RAB18: variants seen among roughly 807,000 people sequenced by gnomAD.
The protein encoded by RAB18 is RAB18, member RAS oncogene family.
RAB18 carries 10 observed loss-of-function variants against 28.5 expected under a neutral mutation model. The ratio of observed to expected loss-of-function variants is 0.35; its 90% CI spans 0.22 to 0.60. The LOEUF is 0.60. Ranked by LOEUF, RAB18 falls within the 20% of genes least tolerant of loss-of-function variation. The pLI is 0.78. For synonymous variants in RAB18, 93 were observed against 86.9 expected (o/e 1.07, Z -0.39); for missense variants, 188 against 244.2 (o/e 0.77, Z 1.53).
intron 2 of RAB18, among the ~76,000 whole-genome samples, chr10:27,522,720 T>A (rs1378773956): frequency 6.6e-6 from 1 of 152,146 alleles, no homozygotes; most frequent in Non-Finnish European, 1.5e-5. Flanking sequence ...TTCTTTGTGA[T>A]CTATTTCAGT....
chr10:27,537,884 G>A lies in RAB18; in HGVS notation c.454G>A (p.Ala152Thr), dbSNP rs886046967. Residue 152 changes from alanine (A) to threonine (T), a missense_variant, in exon 7 of 7, where the codon GCA (alanine) becomes ACA (threonine). Ala to Thr is a moderately conservative substitution (Grantham distance 58). Coordinates refer to ENST00000356940, the MANE Select transcript of RAB18 (RefSeq NM_021252.5). ...KHSMLFIEAS[A>T]KTCDGVQCAF... ...TTTTCCTTGAATTTCAGAGGCAAGT[G>A]CAAAAACCTGTGATGGTGTACAATG... is the stretch of plus-strand genomic sequence containing the variant. 5.6e-6 allele frequency: 9 copies of A among 1,613,888 alleles called. No homozygotes were observed. Among genetic ancestry groups the A allele is most frequent in the South Asian group, 1.1e-5 (1 of 91,092 alleles).
In RAB18 at chr10:27,539,825, C is replaced by T. The variant is rs1834985188; in HGVS notation, c.*1774C>T. On this transcript the variant is annotated 3_prime_UTR_variant, in exon 7 of 7. Transcript: ENST00000356940. Reference sequence around the variant, plus strand: ...TCTTGAATAAATATAGCCTGCTTTCCCTAGATGCATTTGTGTAGGAAGTAT... The same window carrying T: ...TCTTGAATAAATATAGCCTGCTTTCTCTAGATGCATTTGTGTAGGAAGTAT... 1 of 453,552 alleles carries T rather than the reference C, an allele frequency of 2.2e-6. No homozygotes were observed. Among genetic ancestry groups the T allele is most frequent in the Non-Finnish European group, 4.4e-6 (1 of 226,654 alleles). The allele number at this position is 453,552 out of a possible 1,614,324, so 28.1% of individuals were successfully genotyped here. A position where few individuals can be genotyped will look rare whatever the true frequency, so the allele number is the denominator to read the frequency against.
At chr10:27,508,477 G>A (rs1267967354) in intron 1 of RAB18, among the ~76,000 whole-genome samples, 2 of 152,168 alleles carry the variant, frequency 1.3e-5, no homozygotes, top group East Asian at 1.9e-4. Flanking sequence ...TGGTGACCAC[G>A]TGTAGATATT....
intron 2 of RAB18, among the ~76,000 whole-genome samples, chr10:27,526,558 C>T (rs1168115400): frequency 2.0e-5 from 3 of 152,158 alleles, no homozygotes; most frequent in Non-Finnish European, 4.4e-5. Flanking sequence ...GAGTTATCAC[C>T]TTAAATTGAA....
chr10:27,507,329 C>T (rs1837866795), intron 1 of RAB18, among the ~76,000 whole-genome samples: 1 of 152,134 alleles, frequency 6.6e-6, no homozygotes, highest in African/African-American at 2.4e-5. Flanking sequence ...CTGGGGCTGC[C>T]ACTTGTGTGA....
At chr10:27,505,645 C>T (rs553298773) in intron 1 of RAB18, among the ~76,000 whole-genome samples, 28 of 152,212 alleles carry the variant, frequency 1.8e-4, no homozygotes, top group Admixed American at 4.6e-4. Context: ...CTGCAACCTC[C>T]GCCTCCCGGG....
At chr10:27,513,110 C>T (rs2138979152) in intron 2 of RAB18, among the ~76,000 whole-genome samples, 1 of 151,176 alleles carries the variant, frequency 6.6e-6, no homozygotes, top group Admixed American at 6.6e-5. Flanking sequence ...TCTCAGCTCA[C>T]TGCAATCTCC....
At chr10:27,522,972 A>AT (rs1431393761) in intron 2 of RAB18, among the ~76,000 whole-genome samples, 1 of 151,648 alleles carries the variant, frequency 6.6e-6, no homozygotes, top group African/African-American at 2.4e-5. Flanking sequence ...GGATTCATTG[A>AT]TTTTTGTTGT....
Position 27,516,575 on chromosome 10 carries a change from A to G in RAB18, c.124+6645A>G, listed in dbSNP as rs11015836. On this transcript the variant is annotated intron_variant, in intron 2 of 6. Coordinates refer to ENST00000356940, the MANE Select transcript of RAB18 (RefSeq NM_021252.5). ...TCCATCTCAAAAAGAAAAAAAAAAAAAGAGAGAAATCTTTGATTTCTATAC... is the reference window on the plus strand; with the variant it reads ...TCCATCTCAAAAAGAAAAAAAAAAAGAGAGAGAAATCTTTGATTTCTATAC... 5.2e-3 allele frequency among the ~76,000 whole-genome samples: 796 copies of G among 152,028 alleles called. 17 individuals are homozygous for G. The East Asian group carries it at 0.069, about 13-fold the overall frequency.
intron 6 of RAB18, among the ~76,000 whole-genome samples, chr10:27,536,032 A>C (rs1834890324): frequency 6.6e-6 from 1 of 150,796 alleles, no homozygotes; most frequent in African/African-American, 2.4e-5. Flanking sequence ...GCAGTGAGCG[A>C]GATCACGCCA....
rs544225499 is a variant in RAB18 at position 27,539,830 on chromosome 10, A to G, written c.*1779A>G. 1 of 453,864 alleles carries G rather than the reference A, an allele frequency of 2.2e-6. No individual in the cohort carries two copies. Among genetic ancestry groups the G allele is most frequent in the Non-Finnish European group, 4.4e-6 (1 of 226,676 alleles). The allele number at this position is 453,864 out of a possible 1,614,324, so 28.1% of individuals were successfully genotyped here. ...AATAAATATAGCCTGCTTTCCCTAG[A>G]TGCATTTGTGTAGGAAGTATATACA... On this transcript the variant is annotated 3_prime_UTR_variant, in exon 7 of 7. Coordinates refer to ENST00000356940, the MANE Select transcript of RAB18 (RefSeq NM_021252.5).
At chr10:27,510,193 T>C in intron 2 of RAB18, 1 of 502,716 alleles carries the variant, frequency 2.0e-6, no homozygotes, top group African/African-American at 1.9e-5. Flanking sequence ...CACACATTTC[T>C]CTCCTATACT....
In RAB18 at chr10:27,504,393, C is replaced by G. The variant is rs1200289742; in HGVS notation, c.24C>G (p.Thr8=). Residue 8 remains threonine (T), a synonymous_variant, in exon 1 of 7, where the codon ACC becomes ACG. Coordinates refer to ENST00000356940, the MANE Select transcript of RAB18 (RefSeq NM_021252.5). The part of the protein sequence containing the change: MDEDVLT[T]LKILIIGESG... ...GGATGGACGAGGACGTGCTAACCACCCTGAAGATCCTCATCATCGGCGAGA... is the reference window on the plus strand; with the variant it reads ...GGATGGACGAGGACGTGCTAACCACGCTGAAGATCCTCATCATCGGCGAGA... 2 of 1,575,938 alleles carry G rather than the reference C, an allele frequency of 1.3e-6. No individual in the cohort carries two copies. Among genetic ancestry groups the G allele is most frequent in the Non-Finnish European group, 1.7e-6 (2 of 1,160,966 alleles).
At position 27,538,172 on chromosome 10, in the gene RAB18, A is replaced by G. The variant is rs1408235302; in HGVS notation, c.*121A>G. On this transcript the variant is annotated 3_prime_UTR_variant, in exon 7 of 7. Coordinates refer to ENST00000356940, the MANE Select transcript of RAB18 (RefSeq NM_021252.5). ...GCACATAATTGTTTTATATCATAGC[A>G]GTAAATATTTGCAAGAAATCCCACT... 2.3e-6 allele frequency: 3 copies of G among 1,330,992 alleles called. No individual in the cohort carries two copies. Among genetic ancestry groups the G allele is most frequent in the Admixed American group, 1.9e-5 (1 of 54,028 alleles). 82.4% of individuals were successfully genotyped at this position (1,330,992 alleles called of 1,614,324 possible). A position where few individuals can be genotyped will look rare whatever the true frequency, so the allele number is the denominator to read the frequency against.
chr10:27,504,545 G>T (rs1050907319), intron 1 of RAB18, 108 bp downstream of exon 1: 1 of 1,311,482 alleles, frequency 7.6e-7, no homozygotes, highest in Non-Finnish European at 1.1e-6. Flanking sequence ...GGCGGGCTCG[G>T]GCCGGCTCCG....
chr10:27,540,137 A>G lies in RAB18; in HGVS notation c.*2086A>G. ...GTAGTACTGAGATTGACCCAAACAA[A>G]TAAAAAACTATTCAATTTCTGAGTA... On this transcript the variant is annotated 3_prime_UTR_variant, in exon 7 of 7. Transcript: ENST00000356940. 1 of 454,092 alleles carries G rather than the reference A, an allele frequency of 2.2e-6. No individual in the cohort carries two copies. Among genetic ancestry groups the G allele is most frequent in the South Asian group, 1.6e-5 (1 of 64,464 alleles). 28.1% of individuals were successfully genotyped at this position (454,092 alleles called of 1,614,324 possible).
In RAB18 at chr10:27,538,090, A is replaced by G. The variant is rs773185576; in HGVS notation, c.*39A>G. On this transcript the variant is annotated 3_prime_UTR_variant, in exon 7 of 7. Coordinates refer to ENST00000356940, the MANE Select transcript of RAB18 (RefSeq NM_021252.5). ...CCATCTCTTGCATATTTGATCAGAT[A>G]GTGACATCTTTCTGTATATAAACTC... The G allele has an allele frequency of 1.2e-6, 2 of 1,612,388 alleles. No individual in the cohort carries two copies. Among genetic ancestry groups the G allele is most frequent in the African/African-American group, 1.3e-5 (1 of 75,020 alleles).
At chr10:27,528,836 T>C (rs955999499) in intron 3 of RAB18, among the ~76,000 whole-genome samples, 1 of 152,058 alleles carries the variant, frequency 6.6e-6, no homozygotes, top group African/African-American at 2.4e-5. Flanking sequence ...CCACCAATTG[T>C]ATTCATATTC....
intron 2 of RAB18, among the ~76,000 whole-genome samples, chr10:27,517,168 G>A (rs1002196688): frequency 2.6e-5 from 4 of 152,088 alleles, no homozygotes; most frequent in Non-Finnish European, 4.4e-5. Context: ...TTCAAGAACA[G>A]CCTGTCCAAC....
Sources: allele counts gnomAD v4.1 joint callset (sites outside exome capture counted in the v4.1 genomes callset), GRCh38; gene constraint gnomAD v4.1.1; transcripts MANE v1.5; gene names NCBI Gene and HGNC (gene_info 2026-07-23, HGNC 2026-07-21).